TMPO: variants seen among roughly 807,000 people sequenced by gnomAD.
The protein encoded by TMPO is thymopoietin, also known as LEM domain containing 4.
A neutral mutation model predicts 45.4 loss-of-function variants in TMPO; 22 were observed. The observed-to-expected ratio is 0.48, with a 90% CI of 0.35 to 0.69. The LOEUF is 0.69. Ranked by LOEUF, TMPO falls within the 30% of genes least tolerant of loss-of-function variation. The pLI is 0.01. For missense variants in TMPO, 512 were observed against 548.8 expected (o/e 0.93, Z 0.67); for synonymous variants, 241 against 204.1 (o/e 1.18, Z -1.54).
intron 1 of TMPO, among the ~76,000 whole-genome samples, chr12:98,517,041 C>T (rs1317235601): frequency 6.6e-6 from 1 of 152,192 alleles, no homozygotes; most frequent in African/African-American, 2.4e-5. Flanking sequence ...GAACTCCTGA[C>T]CTCAGGTGGT....
intron 4 of TMPO, among the ~76,000 whole-genome samples, chr12:98,543,302 A>C (rs1878035636): frequency 6.6e-6 from 1 of 152,268 alleles, no homozygotes; most frequent in African/African-American, 2.4e-5. Flanking sequence ...TGTAGTTAAA[A>C]GAATTTAAAA....
intron 1 of TMPO, chr12:98,516,570 T>C: frequency 1.0e-6 from 1 of 1,004,966 alleles, no homozygotes; most frequent in South Asian, 4.7e-5. Flanking sequence ...CGCAGCAGAG[T>C]CTCAGAGCGC....
chr12:98,528,594 G>C (rs528172663), intron 2 of TMPO, among the ~76,000 whole-genome samples: 8 of 151,928 alleles, frequency 5.3e-5, no homozygotes, highest in Admixed American at 4.6e-4. Flanking sequence ...TCGTACTTCT[G>C]CTGAGACGTG....
At chr12:98,531,002 G>C (rs1877151012) in intron 2 of TMPO, among the ~76,000 whole-genome samples, 2 of 152,184 alleles carry the variant, frequency 1.3e-5, no homozygotes, top group African/African-American at 4.8e-5. Context: ...GAATGCAATG[G>C]TGCGATATCA....
intron 3 of TMPO, chr12:98,535,066 T>G (rs1170956734): frequency 1.2e-6 from 1 of 867,246 alleles, no homozygotes; most frequent in Non-Finnish European, 1.4e-6. Flanking sequence ...ATCTCTTCAT[T>G]GACTGGTAGC....
chr12:98,516,423 C>A, intron 1 of TMPO: 6 of 1,172,106 alleles, frequency 5.1e-6, no homozygotes, highest in Non-Finnish European at 6.3e-6. Context: ...GTCGACGCCG[C>A]TTCCCTGGAC....
chr12:98,516,409 C>T (rs1343481141), intron 1 of TMPO: 7 of 1,182,580 alleles, frequency 5.9e-6, no homozygotes, highest in Non-Finnish European at 6.3e-6. Context: ...TTGTTTTGCA[C>T]GCAGTCGACG....
rs372009555 is a variant in TMPO at position 98,534,396 on chromosome 12, C to G, written c.565+2558C>G. The G allele has an allele frequency of 4.4e-5, 71 of 1,603,182 alleles. 3 individuals are homozygous for G. Among genetic ancestry groups the G allele is most frequent in the East Asian group, 2.2e-4 (10 of 44,842 alleles). On this transcript the variant is annotated intron_variant, in intron 3 of 8. Transcript: ENST00000556029. ...TTATCTTTCAGGTACTTTATGCCAACATTTTCTTTTCTGTTAAGGTTGTTT... is the reference window on the plus strand; with the variant it reads ...TTATCTTTCAGGTACTTTATGCCAAGATTTTCTTTTCTGTTAAGGTTGTTT...
rs398044704 is a variant in TMPO, at chr12:98,521,100, A to ATTTTT, written c.279+4975_279+4979dup. 2.1e-4 allele frequency among the ~76,000 whole-genome samples: 16 copies of ATTTTT among 76,770 alleles called. 2 individuals are homozygous for ATTTTT. Among genetic ancestry groups the ATTTTT allele is most frequent in the African/African-American group, 7.3e-4 (13 of 17,806 alleles). 50.4% of individuals were successfully genotyped at this position (76,770 alleles called of 152,430 possible). ...CTATTTAATCATGGGTTTATGAGGA[A>ATTTTT]TTTTTTTTTTTTTTTTTTTTTTTTT... On this transcript the variant is annotated intron_variant, in intron 1 of 8. Coordinates refer to ENST00000556029, the MANE Select transcript of TMPO (RefSeq NM_001032283.3).
intron 2 of TMPO, among the ~76,000 whole-genome samples, chr12:98,530,105 A>G (rs1438111666): frequency 6.6e-6 from 1 of 152,146 alleles, no homozygotes; most frequent in African/African-American, 2.4e-5. Flanking sequence ...TGGGAGGCCA[A>G]GGTGGTGGAA....
At chr12:98,534,914 A>T in intron 3 of TMPO, 2 of 962,718 alleles carry the variant, frequency 2.1e-6, no homozygotes, top group African/African-American at 3.5e-5. Flanking sequence ...ACAAACTGTT[A>T]CTTATCCACA....
chr12:98,537,829 G>T, intron 4 of TMPO: 1 of 553,342 alleles, frequency 1.8e-6, no homozygotes. Flanking sequence ...CAGTTATATG[G>T]TGTTTTGAAA....
intron 3 of TMPO, among the ~76,000 whole-genome samples, chr12:98,536,118 C>T (rs1410285770): frequency 1.3e-5 from 2 of 152,068 alleles, no homozygotes; most frequent in African/African-American, 4.8e-5. Flanking sequence ...TTTTGGGAAC[C>T]TGCAAGTATT....
At chr12:98,547,298 C>T (rs1156450105) in intron 8 of TMPO, among the ~76,000 whole-genome samples, 1 of 152,182 alleles carries the variant, frequency 6.6e-6, no homozygotes, top group Admixed American at 6.5e-5. Flanking sequence ...TAGTCTTGAA[C>T]TCCTGACCTC....
At position 98,534,184 on chromosome 12, in the gene TMPO, A is replaced by G. The variant is rs1565812255; in HGVS notation, c.565+2346A>G. ...TGAAGTGAAGATGGCTGCCCATACC[A>G]TGGGAAATGCCACTGTAGGTCGTCG... is the stretch of plus-strand genomic sequence containing the variant. On this transcript the variant is annotated intron_variant, in intron 3 of 8. Transcript: ENST00000556029. 2 of 1,613,970 alleles carry G rather than the reference A, an allele frequency of 1.2e-6. No homozygotes were observed. Among genetic ancestry groups the G allele is most frequent in the African/African-American group, 1.3e-5 (1 of 75,044 alleles).
chr12:98,529,054 A>ATTT (rs531249192), intron 2 of TMPO, among the ~76,000 whole-genome samples: 6 of 139,994 alleles, frequency 4.3e-5, no homozygotes, highest in Middle Eastern at 3.6e-3. Context: ...CTAGTACCCT[A>ATTT]TTTTTTTTTT....
intron 1 of TMPO, among the ~76,000 whole-genome samples, chr12:98,521,718 T>G (rs1876380661): frequency 6.6e-6 from 1 of 152,116 alleles, no homozygotes; most frequent in Non-Finnish European, 1.5e-5. Context: ...TCTTGAATGA[T>G]CTGTTCTGGT....
chr12:98,548,268 C>A lies in TMPO; in HGVS notation c.*410C>A. On this transcript the variant is annotated 3_prime_UTR_variant, in exon 9 of 9. Transcript: ENST00000556029. Reference sequence around the variant, plus strand: ...AAAAGATTTTAAGAATTATTCTCTGCTGAATAAAAACTGCAAATATGTGAA... The same window carrying A: ...AAAAGATTTTAAGAATTATTCTCTGATGAATAAAAACTGCAAATATGTGAA... The A allele has an allele frequency of 6.2e-6, 1 of 160,106 alleles. No homozygotes were observed. 9.9% of individuals were successfully genotyped at this position (160,106 alleles called of 1,614,324 possible). A position where few individuals can be genotyped will look rare whatever the true frequency, so the allele number is the denominator to read the frequency against.
chr12:98,547,078 C>CTTTT (rs10632560), intron 8 of TMPO, among the ~76,000 whole-genome samples: 59 of 141,686 alleles, frequency 4.2e-4, no homozygotes, highest in Non-Finnish European at 5.5e-4. Context: ...ATGCATCGAA[C>CTTTT]TTTTTTTTTT....
Sources: allele counts gnomAD v4.1 joint callset (sites outside exome capture counted in the v4.1 genomes callset), GRCh38; gene constraint gnomAD v4.1.1; transcripts MANE v1.5; gene names NCBI Gene and HGNC (gene_info 2026-07-23, HGNC 2026-07-21).